ESRRG: variants seen among roughly 807,000 people sequenced by gnomAD.
ESRRG encodes estrogen-related receptor gamma.
In ESRRG, 13 loss-of-function variants were observed where a neutral mutation model predicts 44.0. That is an observed-to-expected ratio of 0.30 (90% CI 0.19 to 0.47). ESRRG has a LOEUF of 0.47. Among genes scored for constraint, ESRRG ranks in the 20% least tolerant of loss-of-function variants. The pLI, the probability that ESRRG is intolerant of heterozygous loss-of-function variation, is 1.00. For synonymous variants in ESRRG, 215 were observed against 214.6 expected (o/e 1.00, Z -0.02); for missense variants, 395 against 580.6 (o/e 0.68, Z 3.29).
At chr1:216,778,773 A>T in intron 2 of ESRRG, among the ~76,000 whole-genome samples, 1 of 151,932 alleles carries the variant, frequency 6.6e-6, no homozygotes, top group East Asian at 2.0e-4. Flanking sequence ...TTGGGATTCA[A>T]CCTATGTGGA....
At chr1:216,729,692 T>C (rs115078326) in intron 2 of ESRRG, among the ~76,000 whole-genome samples, 539 of 152,256 alleles carry the variant, frequency 3.5e-3, no homozygotes, top group Non-Finnish European at 6.4e-3. Context: ...CAATTGTACA[T>C]TGTTTACCAG....
At chr1:216,770,528 G>A (rs562825225) in intron 2 of ESRRG, among the ~76,000 whole-genome samples, 82 of 151,996 alleles carry the variant, frequency 5.4e-4, no homozygotes, top group African/African-American at 1.8e-3. Flanking sequence ...GTAGAAGATC[G>A]ATATCTTTCA....
chr1:217,057,448 G>A (rs2087366183), intron 1 of ESRRG, among the ~76,000 whole-genome samples: 1 of 152,106 alleles, frequency 6.6e-6, no homozygotes, highest in Admixed American at 6.6e-5. Context: ...AAAGCATGCT[G>A]AAAGCTGTTA....
At chr1:216,968,284 G>A (rs1319586097) in intron 1 of ESRRG, among the ~76,000 whole-genome samples, 2 of 152,070 alleles carry the variant, frequency 1.3e-5, no homozygotes, top group Admixed American at 6.6e-5. Context: ...CTTTGGTGCT[G>A]TATCTAAAGA....
At chr1:216,813,686 G>A (rs1230107113) in intron 2 of ESRRG, among the ~76,000 whole-genome samples, 2 of 152,126 alleles carry the variant, frequency 1.3e-5, no homozygotes, top group Non-Finnish European at 2.9e-5. Context: ...CTTTTTCAGG[G>A]ATGTCATAGT....
intron 1 of ESRRG, among the ~76,000 whole-genome samples, chr1:217,006,025 C>T (rs2077691229): frequency 6.6e-6 from 1 of 152,052 alleles, no homozygotes; most frequent in Admixed American, 6.6e-5. Context: ...GATTAACTAA[C>T]ACAACTGAGT....
intron 3 of ESRRG, among the ~76,000 whole-genome samples, chr1:216,569,291 G>A (rs1380841169): frequency 6.6e-6 from 1 of 151,408 alleles, no homozygotes; most frequent in East Asian, 1.9e-4. Context: ...AAGGAAAGAA[G>A]GAAGGAAAAG....
intron 1 of ESRRG, among the ~76,000 whole-genome samples, chr1:217,132,492 T>C (rs897138348): frequency 5.3e-5 from 8 of 152,192 alleles, no homozygotes; most frequent in Non-Finnish European, 1.2e-4. Flanking sequence ...TGGTCTGGGA[T>C]GGTTCAAGCT....
rs1366776661 is a variant in ESRRG at position 217,126,793 on chromosome 1, A to G, written c.-230+10874T>C. ...GATAATATGGTACTCTGCATATCCAATTATCTCTCCATTCAAGAGACCTTT... is the reference window on the plus strand; with the variant it reads ...GATAATATGGTACTCTGCATATCCAGTTATCTCTCCATTCAAGAGACCTTT... On this transcript the variant is annotated intron_variant, in intron 1 of 8. Coordinates refer to the ESRRG transcript ENST00000366940. 3.9e-5 allele frequency among the ~76,000 whole-genome samples: 6 copies of G among 152,240 alleles called. No individual in the cohort carries two copies. In the East Asian group the frequency reaches 9.6e-4, roughly 24 times the overall value.
At chr1:216,935,263 A>G (rs991211736) in intron 2 of ESRRG, among the ~76,000 whole-genome samples, 2 of 152,052 alleles carry the variant, frequency 1.3e-5, no homozygotes, top group Admixed American at 1.3e-4. Flanking sequence ...CAGTCCCACA[A>G]GACTTCCCTC....
At chr1:216,912,180 GAAA>G (rs1190028019) in intron 2 of ESRRG, among the ~76,000 whole-genome samples, 404 of 19,102 alleles carry the variant, frequency 0.021, 32 homozygotes, top group South Asian at 0.025. Context: ...GAAAAGAAAA[GAAA>G]AGGAGAGGAG....
At chr1:216,765,266 T>C (rs1053524601) in intron 2 of ESRRG, among the ~76,000 whole-genome samples, 1 of 151,808 alleles carries the variant, frequency 6.6e-6, no homozygotes, top group Non-Finnish European at 1.5e-5. Flanking sequence ...GCTCTTGAGG[T>C]TGTGAATGAC....
chr1:217,053,853 G>A (rs1015308506), intron 1 of ESRRG, among the ~76,000 whole-genome samples: 1 of 152,068 alleles, frequency 6.6e-6, no homozygotes, highest in African/African-American at 2.4e-5. Context: ...ATTTTTCTAG[G>A]AGTAAGGGCA....
chr1:216,898,982 G>A (rs1395562226), intron 2 of ESRRG, among the ~76,000 whole-genome samples: 2 of 152,120 alleles, frequency 1.3e-5, no homozygotes, highest in Non-Finnish European at 2.9e-5. Flanking sequence ...TGCCTCAGGG[G>A]TAGAACAGCA....
At chr1:217,106,021 T>C (rs1053823224) in intron 1 of ESRRG, among the ~76,000 whole-genome samples, 2 of 152,192 alleles carry the variant, frequency 1.3e-5, no homozygotes, top group East Asian at 1.9e-4. Context: ...GTTGTTTGTA[T>C]AGAAGTTAAA....
At chr1:217,092,680 C>A (rs2092366102), upstream of ESRRG, among the ~76,000 whole-genome samples, 1 of 152,206 alleles carries the variant, frequency 6.6e-6, no homozygotes, top group South Asian at 2.1e-4. Context: ...TTTCAACTCC[C>A]TCTTCACTTC....
At chr1:216,738,730 A>T (rs1189651789) in intron 2 of ESRRG, among the ~76,000 whole-genome samples, 2 of 152,136 alleles carry the variant, frequency 1.3e-5, no homozygotes, top group Non-Finnish European at 1.5e-5. Context: ...ACTTATAAAC[A>T]AAAAAAATTC....
chr1:217,116,893 A>G (rs2092737277), intron 1 of ESRRG, among the ~76,000 whole-genome samples: 1 of 152,208 alleles, frequency 6.6e-6, no homozygotes. Context: ...TAGAACCTTA[A>G]GAATGGGCAT....
At chr1:217,079,650 A>C (rs766656033) in intron 1 of ESRRG, among the ~76,000 whole-genome samples, 5 of 152,164 alleles carry the variant, frequency 3.3e-5, no homozygotes, top group East Asian at 1.9e-4. Flanking sequence ...CTGTTTCCTC[A>C]TCTGTGAAAT....
Sources: allele counts gnomAD v4.1 joint callset (sites outside exome capture counted in the v4.1 genomes callset), GRCh38; gene constraint gnomAD v4.1.1; transcripts MANE v1.5; gene names NCBI Gene and HGNC (gene_info 2026-07-23, HGNC 2026-07-21).